Variants in TBC1D22A observed in about 807,000 individuals in gnomAD.
TBC1D22A encodes TBC1 domain family member 22A, also known as putative GTPase activator.
In TBC1D22A, 38 loss-of-function variants were observed where a neutral mutation model predicts 60.2. That is an observed-to-expected ratio of 0.63 (90% CI 0.49 to 0.83). TBC1D22A has a LOEUF of 0.83. Ranked by LOEUF, TBC1D22A falls within the 40% of genes least tolerant of loss-of-function variation. The pLI is 0.00. For synonymous variants in TBC1D22A, 302 were observed against 281.7 expected (o/e 1.07, Z -0.72); for missense variants, 628 against 701.0 (o/e 0.90, Z 1.18).
At chr22:46,962,785 G>T (rs1369882342) in intron 8 of TBC1D22A, among the ~76,000 whole-genome samples, 1 of 152,194 alleles carries the variant, frequency 6.6e-6, no homozygotes, top group African/African-American at 2.4e-5. Flanking sequence ...CAAAACCTAT[G>T]TAGAAACAAA....
intron 4 of TBC1D22A, among the ~76,000 whole-genome samples, chr22:46,862,498 C>T (rs1249108940): frequency 1.3e-5 from 2 of 152,236 alleles, no homozygotes; most frequent in African/African-American, 4.8e-5. Flanking sequence ...TGTCCAGAGC[C>T]TGCAACCTTG....
chr22:46,920,314 A>C lies in TBC1D22A; in HGVS notation c.1015+8126A>C, dbSNP rs138614545. Among the ~76,000 whole-genome samples, 1,396 of 152,248 alleles carry C rather than the reference A, an allele frequency of 9.2e-3. 27 individuals are homozygous for C. The highest frequency in any genetic ancestry group is 0.032 in the African/African-American group (1,326 of 41,542). On this transcript the variant is annotated intron_variant, in intron 8 of 12. Transcript: ENST00000337137. ...GGTTGGTCTCAAACTCCTGGACTCAAGGAATTCTTCTTCCTTGGCCTCTCA... is the reference window on the plus strand; with the variant it reads ...GGTTGGTCTCAAACTCCTGGACTCACGGAATTCTTCTTCCTTGGCCTCTCA...
rs1269657379 is a variant in TBC1D22A at position 47,174,568 on chromosome 22, C to T, written c.*942C>T. The T allele has an allele frequency of 1.3e-5, 2 of 152,240 alleles. No homozygotes were observed. Among genetic ancestry groups the T allele is most frequent in the South Asian group, 2.1e-4 (1 of 4,830 alleles). The allele number at this position is 152,240 out of a possible 1,614,324, so 9.4% of individuals were successfully genotyped here. A position where few individuals can be genotyped will look rare whatever the true frequency, so the allele number is the denominator to read the frequency against. ...ACTTCCTGGGACTTGCTGTCCTTGTCCAGGTCTGCCAGGTGTAGGGGAGGT... is the reference window on the plus strand; with the variant it reads ...ACTTCCTGGGACTTGCTGTCCTTGTTCAGGTCTGCCAGGTGTAGGGGAGGT... On this transcript the variant is annotated 3_prime_UTR_variant, in exon 13 of 13. Transcript: ENST00000337137.
intron 11 of TBC1D22A, among the ~76,000 whole-genome samples, chr22:47,070,298 G>C (rs1217997784): frequency 2.7e-5 from 4 of 148,500 alleles, no homozygotes; most frequent in Admixed American, 2.7e-4. Context: ...TGGTTGGAGC[G>C]GAGCTGACTT....
At chr22:47,016,321 C>G (rs917553006) in intron 10 of TBC1D22A, among the ~76,000 whole-genome samples, 1 of 152,162 alleles carries the variant, frequency 6.6e-6, no homozygotes, top group Admixed American at 6.5e-5. Flanking sequence ...ATCATCCTGG[C>G]GGGCACGTGC....
At chr22:47,057,998 T>C (rs2063452632) in intron 11 of TBC1D22A, among the ~76,000 whole-genome samples, 1 of 152,214 alleles carries the variant, frequency 6.6e-6, no homozygotes, top group South Asian at 2.1e-4. Context: ...TCATTGCTAC[T>C]GTGTGGCACC....
At chr22:47,127,542 C>G (rs553124290) in intron 12 of TBC1D22A, among the ~76,000 whole-genome samples, 1 of 151,980 alleles carries the variant, frequency 6.6e-6, no homozygotes, top group South Asian at 2.1e-4. Context: ...TTTCTTTTGA[C>G]GTGGGCCTCC....
intron 12 of TBC1D22A, among the ~76,000 whole-genome samples, chr22:47,135,380 C>T (rs1005031360): frequency 2.0e-5 from 3 of 152,138 alleles, no homozygotes; most frequent in Admixed American, 2.0e-4. Flanking sequence ...AGGTCCCAGG[C>T]ATTGTGGCCT....
intron 11 of TBC1D22A, among the ~76,000 whole-genome samples, chr22:47,086,650 A>T (rs928558818): frequency 6.6e-6 from 1 of 152,188 alleles, no homozygotes; most frequent in African/African-American, 2.4e-5. Flanking sequence ...ATCATAGGTA[A>T]TATTATCTAA....
At chr22:46,836,498 GAA>G (rs2086527823) in intron 4 of TBC1D22A, among the ~76,000 whole-genome samples, 1 of 150,460 alleles carries the variant, frequency 6.6e-6, no homozygotes, top group African/African-American at 2.5e-5. Context: ...AATATAAAGA[GAA>G]AAGAATCAAA....
chr22:47,007,573 A>G (rs1056564929), intron 10 of TBC1D22A, among the ~76,000 whole-genome samples: 2 of 152,200 alleles, frequency 1.3e-5, no homozygotes, highest in Non-Finnish European at 2.9e-5. Context: ...CACAAGTCCA[A>G]GATGATGGTT....
At chr22:47,066,105 C>T (rs1009626937) in intron 11 of TBC1D22A, among the ~76,000 whole-genome samples, 15 of 152,218 alleles carry the variant, frequency 9.9e-5, no homozygotes, top group African/African-American at 3.6e-4. Context: ...CATCAAAACA[C>T]TTTGCATTGC....
intron 11 of TBC1D22A, among the ~76,000 whole-genome samples, chr22:47,100,628 C>T (rs148398510): frequency 6.6e-6 from 1 of 152,340 alleles, no homozygotes; most frequent in South Asian, 2.1e-4. Context: ...TGCACACGCT[C>T]TCTCCTTTTT....
chr22:46,860,603 C>T (rs970661786), intron 4 of TBC1D22A, among the ~76,000 whole-genome samples: 2 of 147,642 alleles, frequency 1.4e-5, no homozygotes, highest in Non-Finnish European at 3.0e-5. Flanking sequence ...GGACCAGAAT[C>T]CTTTTTTGAT....
At chr22:47,131,495 G>A (rs2066676894) in intron 12 of TBC1D22A, among the ~76,000 whole-genome samples, 1 of 152,252 alleles carries the variant, frequency 6.6e-6, no homozygotes, top group Non-Finnish European at 1.5e-5. Flanking sequence ...TCCAGCCACA[G>A]GAGTGTTCCC....
Position 47,060,012 on chromosome 22 carries a change from C to T in TBC1D22A, c.1329+22814C>T, listed in dbSNP as rs532824868. Among the ~76,000 whole-genome samples, 7 of 152,226 alleles carry T rather than the reference C, an allele frequency of 4.6e-5. No individual in the cohort carries two copies. In the South Asian group the frequency reaches 8.3e-4, roughly 18 times the overall value. On this transcript the variant is annotated intron_variant, in intron 11 of 12. Coordinates refer to ENST00000337137, the MANE Select transcript of TBC1D22A (RefSeq NM_014346.5). ...TGCAGGGAACTGCCCATGACATGGC[C>T]GTCCTCCTGTCAGAAGAGGACTCTG... is the stretch of plus-strand genomic sequence containing the variant.
At chr22:47,100,016 A>C (rs776645752) in intron 11 of TBC1D22A, among the ~76,000 whole-genome samples, 6 of 152,188 alleles carry the variant, frequency 3.9e-5, no homozygotes, top group South Asian at 2.1e-4. Flanking sequence ...TGCAGGCCTG[A>C]GAGTGGGTAG....
At position 47,050,902 on chromosome 22, in the gene TBC1D22A, G is replaced by T. The variant is rs546583481; in HGVS notation, c.1329+13704G>T. Among the ~76,000 whole-genome samples the T allele has an allele frequency of 2.0e-5, 3 of 152,306 alleles. No individual in the cohort carries two copies. The East Asian group carries it at 5.8e-4, about 29-fold the overall frequency. ...CCCTGGGTGGCAGCTTCTGCTCACA[G>T]TGTCTCTGGATGAGGAGGGCGGCCA... On this transcript the variant is annotated intron_variant, in intron 11 of 12. Coordinates refer to ENST00000337137, the MANE Select transcript of TBC1D22A (RefSeq NM_014346.5).
At chr22:46,853,082 G>A (rs935996592) in intron 4 of TBC1D22A, among the ~76,000 whole-genome samples, 3 of 152,212 alleles carry the variant, frequency 2.0e-5, no homozygotes, top group African/African-American at 7.2e-5. Context: ...AAGACCAGGA[G>A]CTTAGCAGGC....
Sources: gnomAD v4.1 joint callset for allele counts (sites outside exome capture counted in the v4.1 genomes callset) on GRCh38, gnomAD v4.1.1 for gene constraint, MANE v1.5 for transcripts, NCBI Gene and HGNC (gene_info 2026-07-23, HGNC 2026-07-21) for gene names.